Variants in RBFOX1 observed in about 807,000 individuals in gnomAD.
RBFOX1 encodes the protein RNA binding protein fox-1 homolog 1.
A neutral mutation model predicts 57.7 loss-of-function variants in RBFOX1; 8 were observed. That is an observed-to-expected ratio of 0.14 (90% CI 0.08 to 0.25). The LOEUF is 0.25. Ranked by LOEUF, RBFOX1 falls within the 10% of genes least tolerant of loss-of-function variation. The pLI is 1.00. For synonymous variants in RBFOX1, 326 were observed against 222.4 expected, an observed-to-expected ratio of 1.47 and a Z score of -4.15; for missense variants, 611 against 548.5, an observed-to-expected ratio of 1.11 and a Z score of -1.14.
At chr16:6,821,792 T>A (rs1009767782) in intron 3 of RBFOX1, among the ~76,000 whole-genome samples, 1 of 152,224 alleles carries the variant, frequency 6.6e-6, no homozygotes, top group Non-Finnish European at 1.5e-5. Flanking sequence ...TTTGGGTTGT[T>A]TCCATTTTCT....
intron 2 of RBFOX1, among the ~76,000 whole-genome samples, chr16:5,473,070 C>T (rs919966583): frequency 7.2e-5 from 11 of 152,314 alleles, no homozygotes; most frequent in South Asian, 2.1e-4. Context: ...TCCCTCCTCC[C>T]GAGGAGACTT....
At position 6,657,610 on chromosome 16, in the gene RBFOX1, C is replaced by T. The variant is rs142162750; in HGVS notation, c.-16+2960C>T. 4.9e-3 allele frequency among the ~76,000 whole-genome samples: 751 copies of T among 152,264 alleles called. 6 individuals carry two copies. The highest frequency in any genetic ancestry group is 0.017 in the African/African-American group (717 of 41,546). On this transcript the variant is annotated intron_variant, in intron 3 of 15. Coordinates refer to ENST00000550418, the MANE Select transcript of RBFOX1 (RefSeq NM_018723.4). ...CCACTGGAGTGATGACAGTTGCTCA[C>T]GCACGTGTGTGTGTGCATGTCCCTC...
rs143890179 is a variant in RBFOX1, at chr16:5,559,656, A to G, written c.259-39246A>G. Among the ~76,000 whole-genome samples the G allele has an allele frequency of 3.9e-5, 6 of 152,254 alleles. 1 individual carries two copies. In the East Asian group the frequency reaches 9.7e-4, roughly 25 times the overall value. On this transcript the variant is annotated intron_variant, in intron 2 of 2. Transcript: ENST00000585867. ...CCACTCTTTTCTTGGAAGTTGCTCT[A>G]TCAATTTTCTCCTCTTTCCCCTTGG... is the stretch of plus-strand genomic sequence containing the variant.
intron 12 of RBFOX1, among the ~76,000 whole-genome samples, chr16:7,660,822 C>G (rs2067531645): frequency 6.6e-6 from 1 of 152,208 alleles, no homozygotes; most frequent in South Asian, 2.1e-4. Context: ...CCAGGTGATT[C>G]TGCTACACAT....
chr16:6,637,241 TTATATATATTATATAA>T (rs2098447212), intron 2 of RBFOX1, among the ~76,000 whole-genome samples: 1 of 59,702 alleles, frequency 1.7e-5, no homozygotes, highest in African/African-American at 7.8e-5. Context: ...ATATTATATA[TTATATATATTATATAA>T]TATACAAATA....
chr16:5,317,299 T>C (rs1337185190), intron 1 of RBFOX1, among the ~76,000 whole-genome samples: 1 of 152,184 alleles, frequency 6.6e-6, no homozygotes, highest in Non-Finnish European at 1.5e-5. Context: ...GCATATCTAC[T>C]GTGAAGATTA....
intron 2 of RBFOX1, among the ~76,000 whole-genome samples, chr16:6,498,641 G>C (rs969619555): frequency 1.3e-5 from 2 of 152,160 alleles, no homozygotes; most frequent in African/African-American, 2.4e-5. Flanking sequence ...CACAATGTCT[G>C]CCCATATTAA....
Position 6,586,499 on chromosome 16 carries a change from T to C in RBFOX1, c.-63-68104T>C, listed in dbSNP as rs779033922. ...GACATATGCCCAACTTGAATGGCCTTAAGGAAAAAAACAGTATTGTCTCAT... is the reference window on the plus strand; with the variant it reads ...GACATATGCCCAACTTGAATGGCCTCAAGGAAAAAAACAGTATTGTCTCAT... On this transcript the variant is annotated intron_variant, in intron 2 of 15. Transcript: ENST00000550418. 1.3e-3 allele frequency among the ~76,000 whole-genome samples: 198 copies of C among 152,272 alleles called. 1 individual carries two copies. In the Middle Eastern group the frequency reaches 0.017, roughly 13 times the overall value.
chr16:7,356,865 C>G (rs1469868904), intron 4 of RBFOX1, among the ~76,000 whole-genome samples: 2 of 152,188 alleles, frequency 1.3e-5, no homozygotes, highest in African/African-American at 2.4e-5. Context: ...TCTTCAGTAT[C>G]TGGGTCACAG....
intron 3 of RBFOX1, among the ~76,000 whole-genome samples, chr16:6,959,923 C>G (rs528000789): frequency 2.0e-5 from 3 of 152,070 alleles, no homozygotes; most frequent in East Asian, 3.9e-4. Flanking sequence ...GCGACAAGAG[C>G]GAAACTCCAT....
intron 1 of RBFOX1, among the ~76,000 whole-genome samples, chr16:6,178,209 C>T (rs1178848670): frequency 9.8e-6 from 1 of 102,188 alleles, no homozygotes; most frequent in East Asian, 3.2e-4. Context: ...TTTTTGGAGA[C>T]AGAGTGTTGC....
At chr16:5,278,122 A>G (rs1297353155) in intron 1 of RBFOX1, among the ~76,000 whole-genome samples, 4 of 152,210 alleles carry the variant, frequency 2.6e-5, no homozygotes, top group African/African-American at 9.6e-5. Context: ...ATTGCCACCA[A>G]CAATATACAA....
At chr16:5,258,120 C>T (rs2062635848) in intron 1 of RBFOX1, among the ~76,000 whole-genome samples, 1 of 152,094 alleles carries the variant, frequency 6.6e-6, no homozygotes, top group African/African-American at 2.4e-5. Context: ...CTCAAGCAGT[C>T]CTCCATCCAC....
intron 1 of RBFOX1, among the ~76,000 whole-genome samples, chr16:5,350,428 A>T (rs146553197): frequency 7.2e-5 from 11 of 152,198 alleles, no homozygotes; most frequent in African/African-American, 2.2e-4. Flanking sequence ...ATGGGAGGTG[A>T]GGTGTCCCTA....
intron 1 of RBFOX1, among the ~76,000 whole-genome samples, chr16:5,313,726 T>G (rs961113655): frequency 6.6e-6 from 1 of 152,186 alleles, no homozygotes; most frequent in African/African-American, 2.4e-5. Context: ...CTGAGACTTA[T>G]TCACTATTGC....
At chr16:5,753,882 G>T (rs940420885) in intron 3 of RBFOX1, among the ~76,000 whole-genome samples, 2 of 151,318 alleles carry the variant, frequency 1.3e-5, no homozygotes, top group Admixed American at 6.6e-5. Context: ...AAAAATCAAT[G>T]ATCTAAACCC....
chr16:5,858,417 CT>C (rs1356485933), intron 3 of RBFOX1, among the ~76,000 whole-genome samples: 2 of 152,162 alleles, frequency 1.3e-5, no homozygotes, highest in Non-Finnish European at 2.9e-5. Context: ...CTGCTTTAAC[CT>C]TCCTTAATAG....
chr16:7,587,204 G>T (rs747065357), intron 6 of RBFOX1, 43 bp from the exon 7 acceptor site: 3 of 1,481,552 alleles, frequency 2.0e-6, no homozygotes, highest in East Asian at 4.9e-5. Flanking sequence ...AATGTCTACT[G>T]CATTTCTCTT....
At chr16:6,455,132 A>T (rs1400804074) in intron 2 of RBFOX1, among the ~76,000 whole-genome samples, 6 of 150,624 alleles carry the variant, frequency 4.0e-5, no homozygotes, top group African/African-American at 9.8e-5. Context: ...TGACCTCAGG[A>T]TCCACCCGCC....
Sources: gnomAD v4.1 joint callset for allele counts (sites outside exome capture counted in the v4.1 genomes callset) on GRCh38, gnomAD v4.1.1 for gene constraint, MANE v1.5 for transcripts, NCBI Gene and HGNC (gene_info 2026-07-23, HGNC 2026-07-21) for gene names.